The following SPIDR variants were observed in gnomAD, a reference collection of about 807,000 sequenced individuals.
SPIDR encodes the protein scaffold protein involved in DNA repair, also known as DNA repair-scaffolding protein.
SPIDR carries 93 observed loss-of-function variants against 104.6 expected under a neutral mutation model. That is an observed-to-expected ratio of 0.89 (90% confidence interval 0.75 to 1.06). The LOEUF is 1.06. SPIDR is among the 50% of genes least tolerant of loss of function. The pLI, the probability that SPIDR is intolerant of heterozygous loss-of-function variation, is 0.00. For missense variants in SPIDR, 1,154 were observed against 1,111.2 expected, an observed-to-expected ratio of 1.04 and a Z score of -0.55; for synonymous variants, 431 against 416.9, an observed-to-expected ratio of 1.03 and a Z score of -0.41.
At chr8:47,519,629 A>G (rs2083724418) in intron 8 of SPIDR, among the ~76,000 whole-genome samples, 1 of 152,104 alleles carries the variant, frequency 6.6e-6, no homozygotes, top group Non-Finnish European at 1.5e-5. Context: ...GTAAAAAAAA[A>G]TTTAAATTAG....
chr8:47,439,286 A>C (rs2068938860), intron 7 of SPIDR, among the ~76,000 whole-genome samples: 1 of 152,098 alleles, frequency 6.6e-6, no homozygotes, highest in African/African-American at 2.4e-5. Context: ...TTTTCTGTGA[A>C]TCCTTCTATT....
chr8:47,384,143 C>T (rs782729006), intron 5 of SPIDR, among the ~76,000 whole-genome samples: 1 of 152,114 alleles, frequency 6.6e-6, no homozygotes, highest in Non-Finnish European at 1.5e-5. Flanking sequence ...GCTACATTAG[C>T]ATGTATTGGT....
intron 6 of SPIDR, among the ~76,000 whole-genome samples, chr8:47,398,955 G>A (rs1427906142): frequency 6.6e-6 from 1 of 152,208 alleles, no homozygotes; most frequent in Non-Finnish European, 1.5e-5. Context: ...GAAAGGCAGG[G>A]TGTGCAGCCG....
intron 9 of SPIDR, among the ~76,000 whole-genome samples, chr8:47,597,541 A>G (rs2061758394): frequency 6.6e-6 from 1 of 152,198 alleles, no homozygotes; most frequent in Non-Finnish European, 1.5e-5. Context: ...CATGCTGTCC[A>G]TTGTTGACAG....
intron 5 of SPIDR, among the ~76,000 whole-genome samples, chr8:47,323,557 T>C (rs1450413438): frequency 6.6e-6 from 1 of 152,224 alleles, no homozygotes. Context: ...ATCTCCATTC[T>C]ACCTCTCACT....
intron 8 of SPIDR, among the ~76,000 whole-genome samples, chr8:47,446,288 C>T (rs146718345): frequency 6.9e-4 from 105 of 152,266 alleles, no homozygotes; most frequent in African/African-American, 2.3e-3. Context: ...TAAATCTACT[C>T]GCTTGTGCTC....
chr8:47,365,216 C>T (rs1414859135), intron 5 of SPIDR, among the ~76,000 whole-genome samples: 1 of 152,170 alleles, frequency 6.6e-6, no homozygotes, highest in Non-Finnish European at 1.5e-5. Flanking sequence ...GAGAGGGTCT[C>T]CCTGGCCACC....
At chr8:47,385,114 T>C (rs1303087146) in intron 5 of SPIDR, among the ~76,000 whole-genome samples, 1 of 152,196 alleles carries the variant, frequency 6.6e-6, no homozygotes, top group Non-Finnish European at 1.5e-5. Context: ...AAAATTTCAA[T>C]TAGAACAGTA....
chr8:47,576,517 T>G (rs1405055820), intron 8 of SPIDR, among the ~76,000 whole-genome samples: 1 of 152,154 alleles, frequency 6.6e-6, no homozygotes, highest in African/African-American at 2.4e-5. Flanking sequence ...CATTGCAACC[T>G]GTGCCTCCCA....
intron 8 of SPIDR, among the ~76,000 whole-genome samples, chr8:47,445,321 TC>T (rs1333892561): frequency 1.3e-5 from 2 of 152,216 alleles, no homozygotes; most frequent in Non-Finnish European, 2.9e-5. Flanking sequence ...TGATAAGTGA[TC>T]TTTGATATCA....
intron 8 of SPIDR, among the ~76,000 whole-genome samples, chr8:47,449,170 C>T (rs2071236725): frequency 6.6e-6 from 1 of 152,046 alleles, no homozygotes; most frequent in African/African-American, 2.4e-5. Context: ...ACAGGGTTTG[C>T]TGATGGGTTT....
chr8:47,422,761 C>T (rs2065768153), intron 7 of SPIDR, among the ~76,000 whole-genome samples: 1 of 152,184 alleles, frequency 6.6e-6, no homozygotes, highest in Non-Finnish European at 1.5e-5. Context: ...CACCCCTCTG[C>T]AGTGAATTCT....
At chr8:47,407,542 T>C (rs899774065) in intron 6 of SPIDR, among the ~76,000 whole-genome samples, 26 of 152,182 alleles carry the variant, frequency 1.7e-4, no homozygotes, top group African/African-American at 6.0e-4. Flanking sequence ...GTGCTTGTTT[T>C]AGGATTGAAT....
intron 16 of SPIDR, among the ~76,000 whole-genome samples, chr8:47,718,024 G>T (rs1218330154): frequency 6.6e-6 from 1 of 152,160 alleles, no homozygotes; most frequent in Non-Finnish European, 1.5e-5. Flanking sequence ...AGCTGCACAG[G>T]TCCAAGCCCA....
chr8:47,678,180 T>C (rs2076672472), intron 11 of SPIDR, among the ~76,000 whole-genome samples: 1 of 152,208 alleles, frequency 6.6e-6, no homozygotes, highest in Non-Finnish European at 1.5e-5. Flanking sequence ...AACCAGAATA[T>C]ACTGAGGTAT....
chr8:47,572,678 A>AAAT (rs1348239702), intron 8 of SPIDR, among the ~76,000 whole-genome samples: 1 of 113,224 alleles, frequency 8.8e-6, no homozygotes, highest in Non-Finnish European at 1.7e-5. Flanking sequence ...AAATTAAAAT[A>AAAT]AATAAATAAA....
intron 1 of SPIDR, among the ~76,000 whole-genome samples, chr8:47,276,215 A>G (rs1038771030): frequency 2.6e-5 from 4 of 152,238 alleles, no homozygotes; most frequent in African/African-American, 9.6e-5. Context: ...ATTTAGACAC[A>G]CATGAATAAT....
rs1213033546 is a variant in SPIDR at position 47,660,337 on chromosome 8, C to T, written c.1545-13464C>T. ...TCATAATGGACTTTTATACTTCCAACGTGAACAGGGAACCTCTTATCTGTA... is the reference window on the plus strand; with the variant it reads ...TCATAATGGACTTTTATACTTCCAATGTGAACAGGGAACCTCTTATCTGTA... On this transcript the variant is annotated intron_variant, in intron 10 of 19. Transcript: ENST00000297423. The T allele has an allele frequency of 9.1e-6, 5 of 546,524 alleles. No individual in the cohort carries two copies. In the Admixed American group the frequency reaches 1.9e-4, roughly 21 times the overall value. The allele number at this position is 546,524 out of a possible 1,614,324, so 33.9% of individuals were successfully genotyped here.
intron 19 of SPIDR, among the ~76,000 whole-genome samples, chr8:47,731,094 C>T (rs1050079696): frequency 1.3e-5 from 2 of 151,994 alleles, no homozygotes; most frequent in Non-Finnish European, 2.9e-5. Flanking sequence ...CCCATCTCTA[C>T]TAAAAATACA....
Sources: gnomAD v4.1 joint callset for allele counts (sites outside exome capture counted in the v4.1 genomes callset) on GRCh38, gnomAD v4.1.1 for gene constraint, MANE v1.5 for transcripts, NCBI Gene and HGNC (gene_info 2026-07-23, HGNC 2026-07-21) for gene names.